PRIMA1: variants seen among roughly 807,000 people sequenced by gnomAD.
The protein encoded by PRIMA1 is proline-rich membrane anchor 1.
A neutral mutation model predicts 17.5 loss-of-function variants in PRIMA1; 7 were observed. The ratio of observed to expected loss-of-function variants is 0.40; its 90% CI spans 0.23 to 0.75. The LOEUF is 0.75. PRIMA1 is among the 30% of genes least tolerant of loss of function. The probability of loss-of-function intolerance (pLI) is 0.37; values close to 1 mark genes in which losing one functional copy is unlikely to be tolerated. For missense variants in PRIMA1, 200 were observed against 201.8 expected, an observed-to-expected ratio of 0.99 and a Z score of 0.05; for synonymous variants, 97 against 77.9, an observed-to-expected ratio of 1.25 and a Z score of -1.29.
rs762087128 is a variant in PRIMA1 at position 93,726,885 on chromosome 14, A to G, written c.360-5339T>C. On this transcript the variant is annotated intron_variant, in intron 4 of 4. Transcript: ENST00000393140. The surrounding 1 kb of genome is among the most constrained non-coding windows in gnomAD (Gnocchi z 4.2). ...CATACACATATGTGCACATGCATGC[A>G]CACATACATATGAATACACATATGC... Among the ~76,000 whole-genome samples the G allele has an allele frequency of 5.3e-5, 8 of 152,180 alleles. No individual in the cohort carries two copies. The highest frequency in any genetic ancestry group is 1.2e-4 in the Non-Finnish European group (8 of 68,032).
At chr14:93,725,957 C>A (rs2076072583) in intron 4 of PRIMA1, 1 of 456,412 alleles carries the variant, frequency 2.2e-6, no homozygotes, top group East Asian at 7.0e-5. Flanking sequence ...GCATTTCCAC[C>A]CTGGTCCAGG....
chr14:93,765,005 C>G (rs564566418), intron 3 of PRIMA1, among the ~76,000 whole-genome samples: 2 of 152,236 alleles, frequency 1.3e-5, no homozygotes, highest in African/African-American at 4.8e-5. Flanking sequence ...GGGAATTGAG[C>G]TGGGGTTATT....
At chr14:93,745,814 CCAGGAGTTA>C (rs2076213661) in intron 3 of PRIMA1, among the ~76,000 whole-genome samples, 1 of 152,222 alleles carries the variant, frequency 6.6e-6, no homozygotes, top group African/African-American at 2.4e-5. Context: ...ATCAGAAGTA[CCAGGAGTTA>C]AAATCCAGAT....
chr14:93,728,784 T>C (rs936576915), intron 4 of PRIMA1, among the ~76,000 whole-genome samples: 3 of 152,174 alleles, frequency 2.0e-5, no homozygotes, highest in Non-Finnish European at 4.4e-5. Context: ...TGTCCATGAC[T>C]GTCCACGGTG....
chr14:93,785,500 G>T (rs1387861047), intron 2 of PRIMA1, among the ~76,000 whole-genome samples: 2 of 152,172 alleles, frequency 1.3e-5, no homozygotes, highest in African/African-American at 4.8e-5. Flanking sequence ...CCTTCCAAAT[G>T]TTCTTCTGGC....
chr14:93,754,643 A>T (rs1042040186), intron 3 of PRIMA1, among the ~76,000 whole-genome samples: 1 of 152,240 alleles, frequency 6.6e-6, no homozygotes, highest in Non-Finnish European at 1.5e-5. Flanking sequence ...GGAGAAATGT[A>T]TATCATTTTC....
intron 3 of PRIMA1, among the ~76,000 whole-genome samples, chr14:93,757,041 C>T (rs187758729): frequency 1.5e-3 from 225 of 152,302 alleles, no homozygotes; most frequent in Non-Finnish European, 2.6e-3. Context: ...TTTATCATGG[C>T]CTTTGCGAAA....
intron 2 of PRIMA1, among the ~76,000 whole-genome samples, chr14:93,782,720 A>G (rs1039198185): frequency 2.0e-5 from 3 of 152,236 alleles, no homozygotes; most frequent in Non-Finnish European, 4.4e-5. Flanking sequence ...TGTTCTCACA[A>G]AAGGATCATG....
intron 4 of PRIMA1, among the ~76,000 whole-genome samples, chr14:93,729,866 G>A (rs1440381063): frequency 6.6e-6 from 1 of 152,044 alleles, no homozygotes; most frequent in Non-Finnish European, 1.5e-5. Context: ...TATGGGGAAG[G>A]GAGAGAATGG....
Sources: allele counts gnomAD v4.1 joint callset (sites outside exome capture counted in the v4.1 genomes callset), GRCh38; gene constraint gnomAD v4.1.1; non-coding constraint Gnocchi (gnomAD v3.1); transcripts MANE v1.5; gene names NCBI Gene and HGNC (gene_info 2026-07-23, HGNC 2026-07-21).